The following SGMS1 variants were observed in gnomAD, a reference collection of about 807,000 sequenced individuals.
SGMS1 encodes the protein sphingomyelin synthase 1.
A neutral mutation model predicts 46.2 loss-of-function variants in SGMS1; 13 were observed. That is an observed-to-expected ratio of 0.28 (90% confidence interval 0.18 to 0.45). The LOEUF (loss-of-function observed/expected upper bound fraction) is 0.45. SGMS1 is among the 20% of genes least tolerant of loss of function. The pLI is 1.00. For synonymous variants in SGMS1, 203 were observed against 187.8 expected (o/e 1.08, Z -0.66); for missense variants, 324 against 519.9 (o/e 0.62, Z 3.66).
intron 7 of SGMS1, among the ~76,000 whole-genome samples, chr10:50,330,363 T>C (rs150053417): frequency 6.6e-6 from 1 of 152,160 alleles, no homozygotes; most frequent in Non-Finnish European, 1.5e-5. Flanking sequence ...CATGCGCCTG[T>C]AGTTCCAGCT....
chr10:50,378,978 A>G (rs1848561762), intron 6 of SGMS1, among the ~76,000 whole-genome samples: 1 of 152,090 alleles, frequency 6.6e-6, no homozygotes. Context: ...TAGGGGAAAA[A>G]GGAGCACAGG....
In SGMS1 at chr10:50,571,901, C is replaced by T. The variant is rs188734933; in HGVS notation, c.-589+18252G>A. 3.4e-4 allele frequency among the ~76,000 whole-genome samples: 52 copies of T among 152,240 alleles called. No homozygotes were observed. The East Asian group carries it at 9.5e-3, about 28-fold the overall frequency. ...TAAGTAACTTTGATACGGTCACAGTCACAGCAATTGCACCTAGATCTGTCC... is the reference window on the plus strand; with the variant it reads ...TAAGTAACTTTGATACGGTCACAGTTACAGCAATTGCACCTAGATCTGTCC... On this transcript the variant is annotated intron_variant, in intron 2 of 10. Transcript: ENST00000361781.
intron 5 of SGMS1, among the ~76,000 whole-genome samples, chr10:50,453,319 A>C (rs72801775): frequency 0.18 from 26,615 of 152,060 alleles, 2,646 homozygotes; most frequent in Admixed American, 0.24. Flanking sequence ...AAGATAAAAA[A>C]CTCATGTGAA....
rs1281490062 is a variant in SGMS1 at position 50,343,938 on chromosome 10, C to T, written c.177G>A (p.Arg59=). 5 of 1,613,804 alleles carry T rather than the reference C, an allele frequency of 3.1e-6. No homozygotes were observed. In the Admixed American group the frequency reaches 8.3e-5, roughly 27 times the overall value. The change falls in exon 7 of 11, where the codon CGG becomes CGA. Residue 59 remains arginine, a synonymous_variant. Coordinates refer to ENST00000361781, the MANE Select transcript of SGMS1 (RefSeq NM_147156.4). Reference sequence around the variant, plus strand: ...TCAGGGTTTCTATCATGTCCAGGAGCCGCTGCCCATTGTCAGAGGAGACTC... The same window carrying T: ...TCAGGGTTTCTATCATGTCCAGGAGTCGCTGCCCATTGTCAGAGGAGACTC... ...LCRVSSDNGQ[R]LLDMIETLKM...
intron 7 of SGMS1, chr10:50,341,084 A>G: frequency 3.4e-6 from 1 of 294,816 alleles, no homozygotes; most frequent in Non-Finnish European, 6.8e-6. Context: ...GGGAGAAGTT[A>G]ACTCTCTGCT....
Position 50,343,740 on chromosome 10 carries a change from G to C in SGMS1, c.375C>G (p.Arg125=). ...TGCCCCACTCCATGGGGTACTGAGA[G>C]CGCTCCAGTTCTGGCATGGGGATCT... The part of the protein sequence containing the change: ...MIKIPMPELE[R]SQYPMEWGKT... The change falls in exon 7 of 11, where the codon CGC becomes CGG. Residue 125 remains arginine, a synonymous_variant. Coordinates refer to ENST00000361781, the MANE Select transcript of SGMS1 (RefSeq NM_147156.4). The C allele has an allele frequency of 2.5e-6, 4 of 1,614,200 alleles. No individual in the cohort carries two copies. Among genetic ancestry groups the C allele is most frequent in the Non-Finnish European group, 3.4e-6 (4 of 1,180,044 alleles).
At chr10:50,346,425 A>G (rs940431138) in intron 6 of SGMS1, among the ~76,000 whole-genome samples, 6 of 152,116 alleles carry the variant, frequency 3.9e-5, no homozygotes, top group African/African-American at 1.4e-4. Flanking sequence ...AGATCTGGAG[A>G]TTTAAGGGCT....
chr10:50,440,624 A>T (rs1849533199), intron 5 of SGMS1, among the ~76,000 whole-genome samples: 1 of 152,190 alleles, frequency 6.6e-6, no homozygotes, highest in Non-Finnish European at 1.5e-5. Flanking sequence ...ATTTCCAGAA[A>T]CAGGCTCTCA....
chr10:50,485,375 C>T (rs959003371), intron 3 of SGMS1, among the ~76,000 whole-genome samples: 3 of 152,088 alleles, frequency 2.0e-5, no homozygotes, highest in African/African-American at 7.2e-5. Context: ...AACTACAAAC[C>T]ACTGCTCAAG....
At chr10:50,426,529 T>C (rs1849329224) in intron 6 of SGMS1, among the ~76,000 whole-genome samples, 1 of 152,244 alleles carries the variant, frequency 6.6e-6, no homozygotes, top group Admixed American at 6.5e-5. Context: ...TGAGTTCACC[T>C]TCCCTTGTCT....
intron 2 of SGMS1, among the ~76,000 whole-genome samples, chr10:50,571,679 C>CAT (rs1226154411): frequency 1.3e-5 from 2 of 152,052 alleles, no homozygotes; most frequent in African/African-American, 4.8e-5. Flanking sequence ...TATATATACA[C>CAT]ATATATATGA....
At chr10:50,573,876 T>C (rs1838357202) in intron 2 of SGMS1, among the ~76,000 whole-genome samples, 1 of 152,122 alleles carries the variant, frequency 6.6e-6, no homozygotes, top group African/African-American at 2.4e-5. Flanking sequence ...CCCATGTACA[T>C]ATAGCCAATT....
At chr10:50,378,491 G>T (rs528449653) in intron 6 of SGMS1, among the ~76,000 whole-genome samples, 3 of 152,272 alleles carry the variant, frequency 2.0e-5, no homozygotes, top group East Asian at 3.9e-4. Flanking sequence ...GAGTCCTAAA[G>T]TCTGTCCTAG....
chr10:50,526,360 T>A (rs1837901593), intron 2 of SGMS1, among the ~76,000 whole-genome samples: 1 of 152,042 alleles, frequency 6.6e-6, no homozygotes, highest in South Asian at 2.1e-4. Flanking sequence ...GCATGGGGGA[T>A]ATCTGCCCCC....
At chr10:50,453,712 A>C (rs1837141655) in intron 5 of SGMS1, among the ~76,000 whole-genome samples, 1 of 148,678 alleles carries the variant, frequency 6.7e-6, no homozygotes, top group Non-Finnish European at 1.5e-5. Flanking sequence ...AGCAATATTT[A>C]GGCCCAGAAA....
In SGMS1 at chr10:50,356,838, G is replaced by T. The variant is rs551923507; in HGVS notation, c.-231-12493C>A. Among the ~76,000 whole-genome samples the T allele has an allele frequency of 1.9e-3, 293 of 152,120 alleles. 1 individual carries two copies. The highest frequency in any genetic ancestry group is 2.9e-3 in the Non-Finnish European group (199 of 68,012). On this transcript the variant is annotated intron_variant, in intron 6 of 10. Coordinates refer to ENST00000361781, the MANE Select transcript of SGMS1 (RefSeq NM_147156.4). The stretch of plus-strand genomic sequence containing the variant: ...AAGGACAAAAAACCAAACACCACAT[G>T]TTCTCACTCATAGGTGGGAATTGAA...
chr10:50,531,227 A>AG (rs1837950364), intron 2 of SGMS1, among the ~76,000 whole-genome samples: 1 of 152,132 alleles, frequency 6.6e-6, no homozygotes, highest in Non-Finnish European at 1.5e-5. Flanking sequence ...TCTTGCTATC[A>AG]CCCATGTGTG....
intron 3 of SGMS1, among the ~76,000 whole-genome samples, chr10:50,491,165 G>C (rs1167291775): frequency 6.6e-5 from 10 of 152,068 alleles, no homozygotes; most frequent in Admixed American, 2.0e-4. Flanking sequence ...GGGGAATGCA[G>C]GGAGGCCCCA....
At chr10:50,553,456 C>A (rs908826725) in intron 2 of SGMS1, among the ~76,000 whole-genome samples, 36 of 151,794 alleles carry the variant, frequency 2.4e-4, no homozygotes, top group Admixed American at 1.8e-3. Context: ...TAAATGAAAA[C>A]TCAATAAAAG....
Sources: gnomAD v4.1 joint callset for allele counts (sites outside exome capture counted in the v4.1 genomes callset) on GRCh38, gnomAD v4.1.1 for gene constraint, MANE v1.5 for transcripts, NCBI Gene and HGNC (gene_info 2026-07-23, HGNC 2026-07-21) for gene names.